Variants in KAZN observed in about 807,000 individuals in gnomAD.
KAZN encodes the protein kazrin.
Under a neutral mutation model 87.4 loss-of-function variants are expected in KAZN, and 40 were observed. That is an observed-to-expected ratio of 0.46 (90% confidence interval 0.36 to 0.60). KAZN has a LOEUF of 0.60. Ranked by LOEUF, KAZN falls within the 20% of genes least tolerant of loss-of-function variation. KAZN has a pLI of 0.00. For missense variants in KAZN, 898 were observed against 1,073.9 expected, an observed-to-expected ratio of 0.84 and a Z score of 2.29; for synonymous variants, 466 against 458.3, an observed-to-expected ratio of 1.02 and a Z score of -0.22.
chr1:14,500,088 T>G (rs1337268046), intron 2 of KAZN, among the ~76,000 whole-genome samples: 1 of 152,224 alleles, frequency 6.6e-6, no homozygotes, highest in East Asian at 1.9e-4. Context: ...AATATAATTT[T>G]TAATACTTTC....
intron 1 of KAZN, among the ~76,000 whole-genome samples, chr1:14,819,207 T>C (rs543992411): frequency 3.3e-4 from 51 of 152,322 alleles, no homozygotes; most frequent in African/African-American, 1.2e-3. Flanking sequence ...ACTCGTTCAA[T>C]TTACCTTAAA....
At chr1:14,370,923 A>G (rs1012597548) in intron 2 of KAZN, among the ~76,000 whole-genome samples, 4 of 152,128 alleles carry the variant, frequency 2.6e-5, no homozygotes, top group African/African-American at 7.2e-5. Context: ...GGGCTCAAGC[A>G]ATCCACCCAC....
At chr1:14,954,621 T>A (rs1253239040) in intron 1 of KAZN, among the ~76,000 whole-genome samples, 1 of 152,224 alleles carries the variant, frequency 6.6e-6, no homozygotes, top group African/African-American at 2.4e-5. Context: ...GAAATGTGGC[T>A]AGAGAAACTG....
intron 1 of KAZN, among the ~76,000 whole-genome samples, chr1:13,918,043 A>G (rs1639924880): frequency 6.6e-6 from 1 of 152,226 alleles, no homozygotes. Context: ...TGTTGTTTTC[A>G]TGCCTGCTAA....
At chr1:14,618,064 A>G (rs889121529) in intron 1 of KAZN, among the ~76,000 whole-genome samples, 3 of 152,192 alleles carry the variant, frequency 2.0e-5, no homozygotes, top group Non-Finnish European at 2.9e-5. Flanking sequence ...TCAGTTATTT[A>G]TAGCTCAGCT....
At chr1:14,489,707 C>T (rs1669543727) in intron 2 of KAZN, among the ~76,000 whole-genome samples, 1 of 149,566 alleles carries the variant, frequency 6.7e-6, no homozygotes, top group African/African-American at 2.5e-5. Flanking sequence ...GCACTCCAGC[C>T]TGTGTGACAG....
chr1:15,050,093 C>CAGTAG lies in KAZN; in HGVS notation c.726+5955_726+5959dup, dbSNP rs200055561. 4.8e-4 allele frequency among the ~76,000 whole-genome samples: 48 copies of CAGTAG among 100,356 alleles called. 1 individual carries two copies. In the East Asian group the frequency reaches 0.014, roughly 30 times the overall value. 65.8% of individuals were successfully genotyped at this position (100,356 alleles called of 152,430 possible). A position where few individuals can be genotyped will look rare whatever the true frequency, so the allele number is the denominator to read the frequency against. ...GAGTAGAGTAGAGTACAGTAGAGTA[C>CAGTAG]AGTAGAGTAGAGTAGAGTAGAGTAG... On this transcript the variant is annotated intron_variant, in intron 4 of 14. Coordinates refer to ENST00000376030, the MANE Select transcript of KAZN (RefSeq NM_201628.3).
intron 1 of KAZN, among the ~76,000 whole-genome samples, chr1:14,739,379 G>T (rs1314739922): frequency 2.0e-5 from 3 of 152,032 alleles, no homozygotes; most frequent in African/African-American, 7.2e-5. Flanking sequence ...TTTATTAGGT[G>T]CTGGCATCGG....
intron 3 of KAZN, among the ~76,000 whole-genome samples, chr1:15,038,336 G>T (rs1672545637): frequency 1.3e-5 from 2 of 152,202 alleles, no homozygotes; most frequent in Admixed American, 1.3e-4. Context: ...CTGTTACCAG[G>T]TAATCATCCT....
chr1:14,057,901 G>GT (rs1258473961), intron 1 of KAZN, among the ~76,000 whole-genome samples: 2 of 152,200 alleles, frequency 1.3e-5, no homozygotes, highest in South Asian at 2.1e-4. Context: ...TGTGACTAGA[G>GT]TGCTGGACAA....
intron 2 of KAZN, among the ~76,000 whole-genome samples, chr1:14,420,011 T>G (rs1345892661): frequency 1.3e-5 from 2 of 152,186 alleles, no homozygotes; most frequent in African/African-American, 4.8e-5. Context: ...TTCCCTTATC[T>G]GGACCCACCC....
chr1:14,898,102 A>G (rs1287444161), intron 1 of KAZN, among the ~76,000 whole-genome samples: 1 of 152,206 alleles, frequency 6.6e-6, no homozygotes, highest in African/African-American at 2.4e-5. Flanking sequence ...GTGAGAAAGG[A>G]CCACAGGTGA....
chr1:14,396,584 G>A (rs1662920620), intron 2 of KAZN, among the ~76,000 whole-genome samples: 1 of 152,186 alleles, frequency 6.6e-6, no homozygotes, highest in Non-Finnish European at 1.5e-5. Flanking sequence ...TAATTAGCTT[G>A]GCTCTGCCAA....
chr1:14,328,763 A>G (rs1656630421), intron 2 of KAZN, among the ~76,000 whole-genome samples: 1 of 151,290 alleles, frequency 6.6e-6, no homozygotes, highest in Admixed American at 6.6e-5. Flanking sequence ...AAAAAAAAAA[A>G]AAAAAAAAGC....
intron 2 of KAZN, among the ~76,000 whole-genome samples, chr1:14,451,787 C>G (rs1444277896): frequency 1.3e-5 from 2 of 152,166 alleles, no homozygotes; most frequent in Non-Finnish European, 2.9e-5. Flanking sequence ...GGTGTAAGTT[C>G]TAGTCCAAAT....
In KAZN at chr1:14,009,405, T is replaced by C. The variant is rs141462311; in HGVS notation, c.91+115649T>C. Among the ~76,000 whole-genome samples the C allele has an allele frequency of 7.0e-3, 1,059 of 152,336 alleles. 11 individuals are homozygous for C. Among genetic ancestry groups the C allele is most frequent in the African/African-American group, 0.024 (1,008 of 41,574 alleles). On this transcript the variant is annotated intron_variant, in intron 1 of 16. Coordinates refer to the KAZN transcript ENST00000636203. ...ACCATCCAGTTTTCCATAGTGGCCG[T>C]ACCATTTCATATTCCTTCCCACTGG...
chr1:14,776,961 G>A (rs540165916), intron 1 of KAZN, among the ~76,000 whole-genome samples: 5 of 146,604 alleles, frequency 3.4e-5, no homozygotes, highest in Admixed American at 6.8e-5. Flanking sequence ...AAAAAGAGAC[G>A]TCTTTGAAGT....
At chr1:14,775,440 C>G (rs143189942) in intron 1 of KAZN, among the ~76,000 whole-genome samples, 353 of 152,338 alleles carry the variant, frequency 2.3e-3, no homozygotes, top group African/African-American at 8.0e-3. Context: ...ATTAACATGT[C>G]CATGACTACC....
intron 2 of KAZN, among the ~76,000 whole-genome samples, chr1:15,011,130 G>C (rs1162930842): frequency 6.6e-6 from 1 of 152,164 alleles, no homozygotes; most frequent in Non-Finnish European, 1.5e-5. Flanking sequence ...ACACCCACTG[G>C]CTCAGTCTTT....
Sources: allele counts gnomAD v4.1 joint callset (sites outside exome capture counted in the v4.1 genomes callset), GRCh38; gene constraint gnomAD v4.1.1; transcripts MANE v1.5; gene names NCBI Gene and HGNC (gene_info 2026-07-23, HGNC 2026-07-21).